Variants in CSMD2 observed in about 807,000 individuals in gnomAD.
CSMD2 encodes CUB and Sushi multiple domains 2.
In CSMD2, 130 loss-of-function variants were observed where a neutral mutation model predicts 398.5. The observed-to-expected ratio is 0.33, with a 90% CI of 0.28 to 0.38. CSMD2 has a LOEUF of 0.38. Ranked by LOEUF, CSMD2 falls within the 10% of genes least tolerant of loss-of-function variation. CSMD2 has a pLI of 1.00. For synonymous variants in CSMD2, 1,828 were observed against 1,908.5 expected, an observed-to-expected ratio of 0.96 and a Z score of 1.10; for missense variants, 3,829 against 4,764.9, an observed-to-expected ratio of 0.80 and a Z score of 5.78.
In CSMD2 at chr1:33,617,599, C is replaced by T; in HGVS notation, c.5846G>A (p.Cys1949Tyr). Residue 1949 changes from cysteine (C) to tyrosine (Y), a missense_variant, in exon 38 of 71, where the codon TGT becomes TAT. Around this residue, in one of 5 missense-constraint regions of CSMD2, gnomAD observed 2,001 missense variants for 2,567.1 expected, o/e 0.78. Coordinates refer to ENST00000373381, the MANE Select transcript of CSMD2 (RefSeq NM_001281956.2). ...LEYKTVGLSSCPEPAVPSNGV... is the reference protein window; with the variant it reads ...LEYKTVGLSSYPEPAVPSNGV... ...GTTACTGGGCACAGCAGGTTCCGGA[C>T]AACTGCTCAGGCCCACCGCTAGACA... 6.2e-7 allele frequency: 1 copy of T among 1,613,902 alleles called. No individual in the cohort carries two copies. Among genetic ancestry groups the T allele is most frequent in the Non-Finnish European group, 8.5e-7 (1 of 1,179,852 alleles).
At chr1:33,581,599 T>C (rs1638731197) in intron 47 of CSMD2, among the ~76,000 whole-genome samples, 1 of 146,998 alleles carries the variant, frequency 6.8e-6, no homozygotes, top group African/African-American at 2.5e-5. Flanking sequence ...AAAAAATATT[T>C]ATGGAATGAA....
chr1:33,723,373 C>G (rs1362370326), intron 19 of CSMD2, among the ~76,000 whole-genome samples: 2 of 152,194 alleles, frequency 1.3e-5, no homozygotes, highest in Non-Finnish European at 2.9e-5. Context: ...GTGTATTTGC[C>G]AAACTGCAAG....
At chr1:33,798,475 T>C (rs951745816) in intron 10 of CSMD2, among the ~76,000 whole-genome samples, 23 of 151,946 alleles carry the variant, frequency 1.5e-4, no homozygotes, top group Non-Finnish European at 1.9e-4. Context: ...AGGGGGTCCA[T>C]AGAGGAGGTG....
chr1:34,137,347 C>T (rs1208099684), intron 1 of CSMD2, among the ~76,000 whole-genome samples: 2 of 152,206 alleles, frequency 1.3e-5, no homozygotes, highest in African/African-American at 4.8e-5. Flanking sequence ...CCACTAAGCT[C>T]TTTTCACCAG....
rs1642577426 is a variant in CSMD2, at chr1:33,633,287, C to G, written c.5200+135G>C. On this transcript the variant is annotated intron_variant, in intron 32 of 70. Transcript: ENST00000373381. This position sits in a 1 kb window ranked among gnomAD's most constrained non-coding sequence, Gnocchi z 5.0. Reference sequence around the variant, plus strand: ...AGCTGGCTGCTGCGTTGTAGACAAGCACCAGAACACGACAGGCACGCAGAG... The same window carrying G: ...AGCTGGCTGCTGCGTTGTAGACAAGGACCAGAACACGACAGGCACGCAGAG... 1 of 682,058 alleles carries G rather than the reference C, an allele frequency of 1.5e-6. No individual in the cohort carries two copies. Among genetic ancestry groups the G allele is most frequent in the African/African-American group, 1.8e-5 (1 of 55,938 alleles). 42.3% of individuals were successfully genotyped at this position (682,058 alleles called of 1,614,324 possible).
intron 5 of CSMD2, among the ~76,000 whole-genome samples, chr1:33,915,303 C>A (rs1643667233): frequency 6.6e-6 from 1 of 152,144 alleles, no homozygotes; most frequent in Non-Finnish European, 1.5e-5. Context: ...TTACAGGAAT[C>A]CAGGGATCCA....
intron 2 of CSMD2, among the ~76,000 whole-genome samples, chr1:34,042,848 C>T (rs1010429420): frequency 4.6e-5 from 7 of 152,108 alleles, no homozygotes; most frequent in Admixed American, 2.6e-4. Context: ...AGTGCAGTGG[C>T]GTGATCTCGG....
chr1:33,674,886 A>G (rs1644646470), intron 25 of CSMD2, among the ~76,000 whole-genome samples: 1 of 152,250 alleles, frequency 6.6e-6, no homozygotes, highest in Admixed American at 6.5e-5. Flanking sequence ...TGAAGGCAGA[A>G]AAAAAGATGT....
At chr1:33,975,562 C>T (rs1645931139) in intron 3 of CSMD2, among the ~76,000 whole-genome samples, 1 of 151,498 alleles carries the variant, frequency 6.6e-6, no homozygotes, top group Admixed American at 6.6e-5. Flanking sequence ...CACACAAAGT[C>T]TGGCCATCCA....
chr1:33,688,371 T>C (rs1434869212), intron 25 of CSMD2, among the ~76,000 whole-genome samples: 2 of 152,340 alleles, frequency 1.3e-5, no homozygotes, highest in South Asian at 2.1e-4. Flanking sequence ...ATTTGCTTTA[T>C]GTACATATTG....
intron 28 of CSMD2, among the ~76,000 whole-genome samples, chr1:33,649,480 C>T (rs1643640768): frequency 1.3e-5 from 2 of 152,098 alleles, no homozygotes; most frequent in African/African-American, 4.8e-5. Flanking sequence ...CCTGTCTCTA[C>T]TAAAAATACA....
chr1:33,933,906 G>C (rs927888694), intron 4 of CSMD2, among the ~76,000 whole-genome samples: 8 of 152,112 alleles, frequency 5.3e-5, no homozygotes, highest in African/African-American at 1.7e-4. Flanking sequence ...GTGAAGTCAA[G>C]TGGCAACTCA....
chr1:33,622,058 A>T, intron 37 of CSMD2, 109 bp downstream of exon 37: 1 of 822,452 alleles, frequency 1.2e-6, no homozygotes, highest in South Asian at 1.5e-5. Context: ...GGGAAGGCTT[A>T]AGTGGGATGG....
intron 2 of CSMD2, among the ~76,000 whole-genome samples, chr1:34,034,187 T>C (rs969740824): frequency 2.0e-5 from 3 of 152,184 alleles, no homozygotes; most frequent in African/African-American, 7.2e-5. Flanking sequence ...GGACTCTCTT[T>C]GCACCTATTT....
chr1:34,163,636 G>A lies in CSMD2; in HGVS notation c.187+1275C>T, dbSNP rs748775881. The stretch of plus-strand genomic sequence containing the variant: ...CCAAGCCTTCAGAGGTTCAATCGGT[G>A]GTTTCAAAACAAAACAAAACAAAAC... On this transcript the variant is annotated intron_variant, in intron 1 of 70. Coordinates refer to ENST00000373381, the MANE Select transcript of CSMD2 (RefSeq NM_001281956.2). The surrounding 1 kb of genome is among the most constrained non-coding windows in gnomAD (Gnocchi z 5.4). Among the ~76,000 whole-genome samples the A allele has an allele frequency of 5.3e-5, 8 of 152,118 alleles. No individual in the cohort carries two copies. Among genetic ancestry groups the A allele is most frequent in the Non-Finnish European group, 1.2e-4 (8 of 68,034 alleles).
At chr1:33,799,919 A>G (rs911591760) in intron 10 of CSMD2, among the ~76,000 whole-genome samples, 1 of 152,238 alleles carries the variant, frequency 6.6e-6, no homozygotes, top group African/African-American at 2.4e-5. Flanking sequence ...TAATGGCTAC[A>G]GGTTCTGAAG....
chr1:33,583,950 G>T, intron 46 of CSMD2, 120 bp from the exon 47 acceptor site: 1 of 779,022 alleles, frequency 1.3e-6, no homozygotes, highest in Non-Finnish European at 2.1e-6. Context: ...AGCACATTCA[G>T]ATAAGATCCC....
At chr1:33,955,260 G>A (rs1025362689) in intron 3 of CSMD2, among the ~76,000 whole-genome samples, 5 of 152,180 alleles carry the variant, frequency 3.3e-5, no homozygotes, top group Admixed American at 2.0e-4. Context: ...ACGAGGCGCC[G>A]CCTGAGTGGG....
chr1:33,894,437 T>C (rs1256290593), intron 5 of CSMD2, among the ~76,000 whole-genome samples: 2 of 152,294 alleles, frequency 1.3e-5, no homozygotes, highest in Non-Finnish European at 2.9e-5. Context: ...AGGGAGTTAA[T>C]AACCCCTCAG....
Sources: allele counts gnomAD v4.1 joint callset (sites outside exome capture counted in the v4.1 genomes callset), GRCh38; gene constraint gnomAD v4.1.1; regional missense constraint gnomAD v4.1.1; non-coding constraint Gnocchi (gnomAD v3.1); transcripts MANE v1.5; gene names NCBI Gene and HGNC (gene_info 2026-07-23, HGNC 2026-07-21).